COG5: variants seen among roughly 807,000 people sequenced by gnomAD.
The protein encoded by COG5 is conserved oligomeric Golgi complex subunit 5.
A neutral mutation model predicts 110.4 loss-of-function variants in COG5; 86 were observed. The observed-to-expected ratio is 0.78, with a 90% CI of 0.65 to 0.93. The LOEUF (loss-of-function observed/expected upper bound fraction) is 0.93. COG5 is among the 40% of genes least tolerant of loss of function. The pLI is 0.00. For synonymous variants in COG5, 360 were observed against 334.6 expected (o/e 1.08, Z -0.83); for missense variants, 1,077 against 987.0 (o/e 1.09, Z -1.22).
intron 6 of COG5, among the ~76,000 whole-genome samples, chr7:107,447,958 C>G (rs1795109288): frequency 5.9e-5 from 9 of 152,144 alleles, no homozygotes; most frequent in Admixed American, 5.9e-4. Context: ...GAGTTCGAGA[C>G]CAGCCTGGCC....
chr7:107,270,805 G>A (rs1424725505), intron 14 of COG5, among the ~76,000 whole-genome samples: 1 of 149,210 alleles, frequency 6.7e-6, no homozygotes, highest in Non-Finnish European at 1.5e-5. Flanking sequence ...CTGTATATGT[G>A]TGGGACTGTT....
chr7:107,523,821 GAA>G (rs113340276), intron 6 of COG5, among the ~76,000 whole-genome samples: 2 of 97,894 alleles, frequency 2.0e-5, no homozygotes, highest in African/African-American at 3.9e-5. Context: ...GTCTCAAAAA[GAA>G]AAAAAAAAAA....
chr7:107,553,385 C>T (rs1803067981), intron 3 of COG5, among the ~76,000 whole-genome samples: 1 of 152,112 alleles, frequency 6.6e-6, no homozygotes, highest in African/African-American at 2.4e-5. Flanking sequence ...ATACTAAGTT[C>T]TTCATCAGGG....
chr7:107,543,071 AT>A (rs1402854236), intron 5 of COG5, among the ~76,000 whole-genome samples: 1 of 152,196 alleles, frequency 6.6e-6, no homozygotes, highest in Non-Finnish European at 1.5e-5. Context: ...GTTAAAAAAA[AT>A]CAATGTGATA....
At chr7:107,370,313 AT>A (rs1238000383) in intron 8 of COG5, among the ~76,000 whole-genome samples, 5 of 152,134 alleles carry the variant, frequency 3.3e-5, no homozygotes, top group African/African-American at 1.2e-4. Context: ...TTATAAAAAA[AT>A]TGTAAGTATT....
At chr7:107,256,910 T>C (rs1802929761) in intron 15 of COG5, 116 bp from the exon 16 acceptor site, 1 of 717,716 alleles carries the variant, frequency 1.4e-6, no homozygotes. Flanking sequence ...ATATTATCAT[T>C]GCTTTACAGT....
chr7:107,451,893 G>A (rs1795362739), intron 6 of COG5, among the ~76,000 whole-genome samples: 1 of 152,034 alleles, frequency 6.6e-6, no homozygotes, highest in Non-Finnish European at 1.5e-5. Flanking sequence ...TTAAGTTTCT[G>A]GGGAGTCAAA....
chr7:107,516,962 G>T (rs895850338), intron 6 of COG5, among the ~76,000 whole-genome samples: 5 of 152,082 alleles, frequency 3.3e-5, no homozygotes, highest in African/African-American at 1.2e-4. Flanking sequence ...CCAAATGATC[G>T]CAACAGCTCT....
chr7:107,372,640 A>G lies in COG5; in HGVS notation c.790T>C (p.Leu264=), dbSNP rs142276972. Reference sequence around the variant, plus strand: ...GGCTGAGTCAAAACTTTTATGTCTAATGCACTGTTGATATTTTCTTCTAAA... The same window carrying G: ...GGCTGAGTCAAAACTTTTATGTCTAGTGCACTGTTGATATTTTCTTCTAAA... ...ATLEENINSA[L]DIKVLTQPSQ... is the part of the protein sequence containing the mutation. Residue 264 remains leucine (L), a synonymous_variant, in exon 8 of 22, where the codon TTA becomes CTA. Transcript: ENST00000297135. 3.1e-6 allele frequency: 5 copies of G among 1,613,616 alleles called. No homozygotes were observed. The African/African-American group carries it at 4.0e-5, about 13-fold the overall frequency.
intron 6 of COG5, among the ~76,000 whole-genome samples, chr7:107,431,237 T>C (rs1794006343): frequency 6.6e-6 from 1 of 152,190 alleles, no homozygotes; most frequent in South Asian, 2.1e-4. Context: ...CTAAGTGTGT[T>C]TGCACATAAC....
intron 19 of COG5, among the ~76,000 whole-genome samples, chr7:107,216,618 T>C (rs185633380): frequency 6.6e-6 from 1 of 152,096 alleles, no homozygotes; most frequent in Non-Finnish European, 1.5e-5. Context: ...GCCACAAATA[T>C]GTGGAAATTA....
intron 6 of COG5, among the ~76,000 whole-genome samples, chr7:107,440,028 T>C (rs1290795534): frequency 1.3e-5 from 2 of 152,150 alleles, no homozygotes; most frequent in Non-Finnish European, 2.9e-5. Flanking sequence ...AATATATCAC[T>C]GGGTAGTGGA....
rs750985006 is a variant in COG5, at chr7:107,474,622, A to T, written c.538+52615T>A. 6.2e-7 allele frequency: 1 copy of T among 1,611,094 alleles called. No individual in the cohort carries two copies. The highest frequency in any genetic ancestry group is 1.3e-5 in the African/African-American group (1 of 74,750). On this transcript the variant is annotated intron_variant, in intron 6 of 21. Coordinates refer to ENST00000297135, the MANE Select transcript of COG5 (RefSeq NM_006348.5). This position sits in a 1 kb window ranked among gnomAD's most constrained non-coding sequence, Gnocchi z 5.7. ...AAATTTTTTCAGTCTTCAAAGTGGA[A>T]ATACCTGGGAAAACAAGACACTTTT...
At chr7:107,484,641 C>T (rs1303175399) in intron 6 of COG5, among the ~76,000 whole-genome samples, 2 of 152,134 alleles carry the variant, frequency 1.3e-5, no homozygotes, top group Admixed American at 1.3e-4. Context: ...ATGGTTGTTT[C>T]TTATATCCCT....
intron 6 of COG5, among the ~76,000 whole-genome samples, chr7:107,513,579 C>T (rs1222951508): frequency 1.3e-5 from 2 of 152,192 alleles, no homozygotes; most frequent in East Asian, 1.9e-4. Flanking sequence ...AATCACACTG[C>T]TATAAAGACA....
At chr7:107,288,228 G>T (rs1488011711) in intron 12 of COG5, among the ~76,000 whole-genome samples, 2 of 152,252 alleles carry the variant, frequency 1.3e-5, no homozygotes, top group East Asian at 3.9e-4. Flanking sequence ...GTCAGGCATG[G>T]GAGTGCACGC....
chr7:107,486,517 G>GA (rs551695583), intron 6 of COG5, among the ~76,000 whole-genome samples: 11 of 151,694 alleles, frequency 7.3e-5, no homozygotes, highest in East Asian at 5.8e-4. Context: ...CACAGTCTTG[G>GA]AAAAAAAATG....
intron 6 of COG5, among the ~76,000 whole-genome samples, chr7:107,497,047 C>A (rs1175711210): frequency 6.6e-6 from 1 of 151,788 alleles, no homozygotes; most frequent in Non-Finnish European, 1.5e-5. Context: ...CCATCTCTAC[C>A]AAATAAAAAT....
At chr7:107,518,853 T>C (rs1179262968) in intron 6 of COG5, among the ~76,000 whole-genome samples, 1 of 152,238 alleles carries the variant, frequency 6.6e-6, no homozygotes, top group Non-Finnish European at 1.5e-5. Context: ...CAACAGAATA[T>C]ACATTCTTCT....
Sources: gnomAD v4.1 joint callset for allele counts (sites outside exome capture counted in the v4.1 genomes callset) on GRCh38, gnomAD v4.1.1 for gene constraint, Gnocchi (gnomAD v3.1) non-coding constraint, MANE v1.5 for transcripts, NCBI Gene and HGNC (gene_info 2026-07-23, HGNC 2026-07-21) for gene names.